The following KNSTRN variants were observed in gnomAD, a reference collection of about 807,000 sequenced individuals.
The protein encoded by KNSTRN is small kinetochore-associated protein.
In KNSTRN, 38 loss-of-function variants were observed where a neutral mutation model predicts 44.7. The ratio of observed to expected loss-of-function variants is 0.85; its 90% CI spans 0.66 to 1.11. The LOEUF (loss-of-function observed/expected upper bound fraction) is 1.11, where lower values mean the gene tolerates loss of function less well. KNSTRN is among the 50% of genes most tolerant of loss of function. The pLI is 0.00. For synonymous variants in KNSTRN, 158 were observed against 148.1 expected (o/e 1.07, Z -0.48); for missense variants, 406 against 375.8 (o/e 1.08, Z -0.66).
chr15:40,393,384 A>C, intron 8 of KNSTRN, 85 bp from the exon 9 acceptor site: 1 of 1,592,044 alleles, frequency 6.3e-7, no homozygotes, highest in Non-Finnish European at 8.5e-7. Context: ...ATAGGAGCAT[A>C]ATGTTCTGAT....
rs1889999937 is a variant in KNSTRN, at chr15:40,391,652, A to G, written c.747+98A>G. ...CTATATATTCCATAAACTCCAAGAAACAGCCTTTGATTATCTGTGATGCTA... is the reference window on the plus strand; with the variant it reads ...CTATATATTCCATAAACTCCAAGAAGCAGCCTTTGATTATCTGTGATGCTA... On this transcript the variant is annotated intron_variant, in intron 7 of 8. Transcript: ENST00000249776. The G allele has an allele frequency of 6.0e-6, 6 of 1,000,062 alleles. No homozygotes were observed. In the Admixed American group the frequency reaches 1.1e-4, roughly 18 times the overall value. The allele number at this position is 1,000,062 out of a possible 1,614,324, so 61.9% of individuals were successfully genotyped here. A position where few individuals can be genotyped will look rare whatever the true frequency, so the allele number is the denominator to read the frequency against.
chr15:40,385,450 G>A (rs895238773), intron 2 of KNSTRN, among the ~76,000 whole-genome samples: 2 of 152,202 alleles, frequency 1.3e-5, no homozygotes, highest in African/African-American at 4.8e-5. Flanking sequence ...AGTGGTAGAG[G>A]CAGGCAGCAT....
Position 40,382,755 on chromosome 15 carries a change from C to G in KNSTRN, c.-81C>G. ...ATTCAAGCCTACAAATTGCATCACC[C>G]TCCTCCTCTGCCCAGACCTGGGGGC... On this transcript the variant is annotated 5_prime_UTR_variant, in exon 1 of 9. Transcript: ENST00000249776. The G allele has an allele frequency of 4.7e-6, 6 of 1,274,504 alleles. No individual in the cohort carries two copies. Among genetic ancestry groups the G allele is most frequent in the East Asian group, 2.5e-5 (1 of 39,484 alleles). 78.9% of individuals were successfully genotyped at this position (1,274,504 alleles called of 1,614,324 possible). A position where few individuals can be genotyped will look rare whatever the true frequency, so the allele number is the denominator to read the frequency against.
chr15:40,389,968 T>G (rs749321382), intron 6 of KNSTRN, 39 bp downstream of exon 6: 2 of 1,502,698 alleles, frequency 1.3e-6, no homozygotes, highest in Non-Finnish European at 1.9e-6. Context: ...TTGAAGGAAT[T>G]GGTGCATGTG....
intron 3 of KNSTRN, 81 bp downstream of exon 3, chr15:40,386,575 GACAAC>G: frequency 2.0e-6 from 3 of 1,464,726 alleles, no homozygotes; most frequent in Non-Finnish European, 2.8e-6. Context: ...CAGAGTTTTG[GACAAC>G]ACAAGTCTCC....
intron 6 of KNSTRN, among the ~76,000 whole-genome samples, chr15:40,391,145 T>A (rs1889989966): frequency 6.6e-6 from 1 of 152,180 alleles, no homozygotes; most frequent in African/African-American, 2.4e-5. Context: ...AGTAATAATT[T>A]TTTAAGGCCT....
chr15:40,385,567 A>T (rs1364886795), intron 2 of KNSTRN, among the ~76,000 whole-genome samples: 1 of 152,356 alleles, frequency 6.6e-6, no homozygotes, highest in Admixed American at 6.5e-5. Flanking sequence ...ACCCCTGTTC[A>T]TATGCCAGAT....
At chr15:40,387,483 C>T (rs1320958380) in intron 4 of KNSTRN, among the ~76,000 whole-genome samples, 1 of 152,088 alleles carries the variant, frequency 6.6e-6, no homozygotes, top group Non-Finnish European at 1.5e-5. Context: ...TTAGCTATGG[C>T]CCATCAACAG....
At chr15:40,392,137 A>G (rs1440741711) in intron 8 of KNSTRN, 114 bp downstream of exon 8, 1 of 704,670 alleles carries the variant, frequency 1.4e-6, no homozygotes, top group East Asian at 3.2e-5. Context: ...TTTTAGATTT[A>G]TAGGAAAGTT....
Position 40,382,797 on chromosome 15 carries a change from A to G in KNSTRN, c.-39A>G, listed in dbSNP as rs754413584. 6.3e-7 allele frequency: 1 copy of G among 1,576,366 alleles called. No homozygotes were observed. Among genetic ancestry groups the G allele is most frequent in the African/African-American group, 1.4e-5 (1 of 73,936 alleles). On this transcript the variant is annotated 5_prime_UTR_variant, in exon 1 of 9. Transcript: ENST00000249776. ...CCTGGGGGCTCCAACACCTTTCGCT[A>G]GGTCTGGCTCTGGCCTCTGAGCGAA...
chr15:40,391,508 C>T lies in KNSTRN; in HGVS notation c.701C>T (p.Thr234Ile). Residue 234 changes from threonine (T) to isoleucine (I), a missense_variant, in exon 7 of 9, where the codon ACC becomes ATC. Coordinates refer to ENST00000249776, the MANE Select transcript of KNSTRN (RefSeq NM_033286.4). ...TATCCATCAGCTTTAGGCAGTGAGA[C>T]CCTGGCATCACGACAAGAATCCACT... is the stretch of plus-strand genomic sequence containing the variant. ...KGLDPALGSE[T>I]LASRQESTTD... 2 of 1,613,894 alleles carry T rather than the reference C, an allele frequency of 1.2e-6. No homozygotes were observed. Among genetic ancestry groups the T allele is most frequent in the Non-Finnish European group, 8.5e-7 (1 of 1,179,846 alleles).
chr15:40,383,347 G>C, intron 2 of KNSTRN, 25 bp downstream of exon 2: 1 of 1,577,962 alleles, frequency 6.3e-7, no homozygotes. Flanking sequence ...CACGCCCGGG[G>C]CACTGCGGCC....
At chr15:40,393,060 G>T in intron 8 of KNSTRN, 1 of 765,484 alleles carries the variant, frequency 1.3e-6, no homozygotes, top group South Asian at 2.0e-5. Flanking sequence ...ACCAAGGCAT[G>T]AGGCAATGTG....
At chr15:40,384,715 G>T (rs1300210299) in intron 2 of KNSTRN, 1 of 257,098 alleles carries the variant, frequency 3.9e-6, no homozygotes, top group Non-Finnish European at 8.0e-6. Context: ...TTTGAGCGTG[G>T]GCTGGATAAG....
intron 1 of KNSTRN, 86 bp from the exon 2 acceptor site, chr15:40,383,142 C>A: frequency 6.3e-7 from 1 of 1,579,010 alleles, no homozygotes; most frequent in African/African-American, 1.3e-5. Flanking sequence ...CGAGCCGGGG[C>A]CTGTCGGGTC....
chr15:40,389,990 G>T, intron 6 of KNSTRN, 61 bp downstream of exon 6: 1 of 1,351,468 alleles, frequency 7.4e-7, no homozygotes, highest in Non-Finnish European at 1.1e-6. Flanking sequence ...CCCTTCCGGG[G>T]TTGATCTTGG....
chr15:40,387,331 C>A (rs1417099121), intron 4 of KNSTRN, 125 bp downstream of exon 4: 19 of 802,586 alleles, frequency 2.4e-5, no homozygotes, highest in Non-Finnish European at 3.5e-5. Flanking sequence ...ACCTCAGGAA[C>A]CTGAGTGGAA....
In KNSTRN at chr15:40,392,041, C is replaced by A. The variant is rs1175708767; in HGVS notation, c.822+18C>A. 6.4e-7 allele frequency: 1 copy of A among 1,564,956 alleles called. No homozygotes were observed. Among genetic ancestry groups the A allele is most frequent in the South Asian group, 1.2e-5 (1 of 84,210 alleles). On this transcript the variant is annotated intron_variant, in intron 8 of 8. Transcript: ENST00000249776. ...AGTTACAGGTGAGAGGCAGACATCA[C>A]CCTGACCATTTCCTACCATGATAGG...
chr15:40,389,788 C>G (rs758319214), intron 5 of KNSTRN, 48 bp from the exon 6 acceptor site: 1 of 1,570,514 alleles, frequency 6.4e-7, no homozygotes, highest in South Asian at 1.1e-5. Flanking sequence ...GGCAACCACC[C>G]CTAGGGAGTT....
Sources: gnomAD v4.1 joint callset for allele counts (sites outside exome capture counted in the v4.1 genomes callset) on GRCh38, gnomAD v4.1.1 for gene constraint, MANE v1.5 for transcripts, NCBI Gene and HGNC (gene_info 2026-07-23, HGNC 2026-07-21) for gene names.